The following CHD7 variants were observed in gnomAD, a reference collection of about 807,000 sequenced individuals.
The protein encoded by CHD7 is chromodomain helicase DNA binding protein 7.
Under a neutral mutation model 307.3 loss-of-function variants are expected in CHD7, and 24 were observed. That is an observed-to-expected ratio of 0.08 (90% CI 0.06 to 0.11). The LOEUF is 0.11. Ranked by LOEUF, CHD7 falls within the 10% of genes least tolerant of loss-of-function variation. CHD7 has a pLI of 1.00. For synonymous variants in CHD7, 1,363 were observed against 1,349.9 expected, an observed-to-expected ratio of 1.01 and a Z score of -0.21; for missense variants, 3,106 against 3,727.1, an observed-to-expected ratio of 0.83 and a Z score of 4.34.
intron 1 of CHD7, among the ~76,000 whole-genome samples, chr8:60,737,993 TGAGA>T (rs1348074439): frequency 6.6e-6 from 1 of 152,250 alleles, no homozygotes; most frequent in African/African-American, 2.4e-5. Flanking sequence ...AATTGTGATT[TGAGA>T]GTTAATTTTT....
intron 1 of CHD7, among the ~76,000 whole-genome samples, chr8:60,688,327 T>C (rs1806019231): frequency 6.6e-6 from 1 of 151,808 alleles, no homozygotes; most frequent in Admixed American, 6.6e-5. Flanking sequence ...TGGTATAGCA[T>C]ATGGCATATT....
chr8:60,787,550 T>C (rs763385785), intron 3 of CHD7, among the ~76,000 whole-genome samples: 3 of 151,922 alleles, frequency 2.0e-5, no homozygotes, highest in Non-Finnish European at 4.4e-5. Flanking sequence ...AGAGTGTGAA[T>C]CAAGAAAAAA....
chr8:60,856,421 T>C, intron 33 of CHD7, 24 bp from the exon 34 acceptor site: 1 of 1,589,418 alleles, frequency 6.3e-7, no homozygotes, highest in Non-Finnish European at 8.6e-7. Flanking sequence ...ACTGCAACTC[T>C]GTTCTGTTGG....
intron 2 of CHD7, among the ~76,000 whole-genome samples, chr8:60,765,638 C>T (rs571437321): frequency 6.0e-4 from 92 of 152,240 alleles, no homozygotes; most frequent in Non-Finnish European, 1.0e-3. Context: ...TGCCTTTGTG[C>T]GGCTGCTGCT....
chr8:60,720,309 G>C (rs1158216738), intron 1 of CHD7, among the ~76,000 whole-genome samples: 1 of 152,112 alleles, frequency 6.6e-6, no homozygotes, highest in Admixed American at 6.5e-5. Flanking sequence ...TCCTAGACAG[G>C]GGTATTACAG....
At chr8:60,688,396 T>G (rs764918104) in intron 1 of CHD7, among the ~76,000 whole-genome samples, 2 of 152,252 alleles carry the variant, frequency 1.3e-5, no homozygotes, top group African/African-American at 4.8e-5. Context: ...TCAAATCATA[T>G]GTATTGCTTT....
intron 2 of CHD7, among the ~76,000 whole-genome samples, chr8:60,765,946 C>T (rs1051246507): frequency 3.9e-5 from 6 of 151,986 alleles, no homozygotes; most frequent in Admixed American, 1.3e-4. Flanking sequence ...AAAGGACAGA[C>T]GAGGGAAGAA....
chr8:60,832,850 C>T (rs567269289), intron 15 of CHD7, among the ~76,000 whole-genome samples: 141 of 152,320 alleles, frequency 9.3e-4, no homozygotes, highest in African/African-American at 2.7e-3. Context: ...TCGCGAGGAG[C>T]CTCTTAGGAC....
At chr8:60,746,255 G>A (rs1258033124) in intron 2 of CHD7, among the ~76,000 whole-genome samples, 1 of 152,138 alleles carries the variant, frequency 6.6e-6, no homozygotes, top group African/African-American at 2.4e-5. Flanking sequence ...TATTTTTAAG[G>A]ATAGGTTAAA....
rs1260618584 is a variant in CHD7, at chr8:60,679,022, A to C, written c.-235A>C. On this transcript the variant is annotated 5_prime_UTR_variant, in exon 1 of 38. Transcript: ENST00000423902. ...GCCGCAGCTGCCGAGCCAACTCCGG[A>C]GCCCGCTCTGCGTTTTGTTTTCCCC... 6.6e-6 allele frequency: 1 copy of C among 150,810 alleles called. No individual in the cohort carries two copies. Among genetic ancestry groups the C allele is most frequent in the Non-Finnish European group, 1.5e-5 (1 of 67,774 alleles). 9.3% of individuals were successfully genotyped at this position (150,810 alleles called of 1,614,324 possible).
intron 34 of CHD7, among the ~76,000 whole-genome samples, chr8:60,857,228 T>G (rs1211362654): frequency 1.3e-5 from 2 of 152,210 alleles, no homozygotes; most frequent in African/African-American, 4.8e-5. Context: ...GTTTTAGGCC[T>G]GGCATTTATT....
chr8:60,847,585 A>G (rs1033660616), intron 23 of CHD7, among the ~76,000 whole-genome samples: 6 of 152,228 alleles, frequency 3.9e-5, no homozygotes, highest in African/African-American at 1.4e-4. Flanking sequence ...CTCATGGCCA[A>G]GAAGGCTGCG....
chr8:60,800,070 G>A (rs537276016), intron 4 of CHD7, among the ~76,000 whole-genome samples: 30 of 149,646 alleles, frequency 2.0e-4, no homozygotes, highest in Non-Finnish European at 2.2e-4. Context: ...TTGCTCTGTC[G>A]TCCAGACTGC....
chr8:60,800,769 G>A (rs1812271851), intron 5 of CHD7, among the ~76,000 whole-genome samples: 1 of 152,214 alleles, frequency 6.6e-6, no homozygotes, highest in Admixed American at 6.5e-5. Flanking sequence ...GAGAATTAAT[G>A]TTCTATGCTG....
At chr8:60,728,944 T>A (rs895634594) in intron 1 of CHD7, among the ~76,000 whole-genome samples, 1 of 152,172 alleles carries the variant, frequency 6.6e-6, no homozygotes, top group Non-Finnish European at 1.5e-5. Context: ...CCAATAGTTA[T>A]CTTTTCTGTT....
chr8:60,823,201 T>G (rs1804120823), intron 12 of CHD7, among the ~76,000 whole-genome samples: 1 of 152,182 alleles, frequency 6.6e-6, no homozygotes, highest in Admixed American at 6.5e-5. Flanking sequence ...AATTTATGCT[T>G]TGGCTGTTAG....
chr8:60,846,871 G>A (rs965700679), intron 23 of CHD7, among the ~76,000 whole-genome samples: 1 of 152,194 alleles, frequency 6.6e-6, no homozygotes. Context: ...AGTAGATGAG[G>A]GCAGCCTCAG....
At chr8:60,692,976 A>G (rs1254636042) in intron 1 of CHD7, among the ~76,000 whole-genome samples, 6 of 152,184 alleles carry the variant, frequency 3.9e-5, no homozygotes, top group Non-Finnish European at 4.4e-5. Context: ...AACCGAAGTC[A>G]TCATAACAAC....
At chr8:60,791,680 A>T (rs2150690723) in intron 3 of CHD7, among the ~76,000 whole-genome samples, 1 of 152,312 alleles carries the variant, frequency 6.6e-6, no homozygotes, top group Admixed American at 6.5e-5. Context: ...ATAGCCCTGC[A>T]TGTGGGGTGT....
Sources: gnomAD v4.1 joint callset for allele counts (sites outside exome capture counted in the v4.1 genomes callset) on GRCh38, gnomAD v4.1.1 for gene constraint, MANE v1.5 for transcripts, NCBI Gene and HGNC (gene_info 2026-07-23, HGNC 2026-07-21) for gene names.